Variants in DEUP1 observed in about 807,000 individuals in gnomAD.
DEUP1 encodes deuterosome assembly protein 1, also known as coiled-coil domain containing 67.
A neutral mutation model predicts 87.4 loss-of-function variants in DEUP1; 82 were observed. The observed-to-expected ratio is 0.94, with a 90% CI of 0.78 to 1.13. The LOEUF is 1.13. DEUP1 is among the 50% of genes most tolerant of loss of function. DEUP1 has a pLI of 0.00. For missense variants in DEUP1, 663 were observed against 681.5 expected (o/e 0.97, Z 0.30); for synonymous variants, 214 against 222.7 (o/e 0.96, Z 0.35).
In DEUP1 at chr11:93,415,013, T is replaced by G. The variant is rs61747195; in HGVS notation, c.1537T>G (p.Cys513Gly). ...EQNEERLSHD[C>G]EPNRSTMPPL... is the part of the protein sequence containing the mutation. ...CTTCTCTTTTAGACTTAGTCATGAC[T>G]GTGAGCCAAACAGAAGTACAATGCC... The change falls in exon 13 of 14, where the codon TGT becomes GGT. Residue 513 changes from cysteine to glycine, a missense_variant. Transcript: ENST00000298050. 4 of 1,577,832 alleles carry G rather than the reference T, an allele frequency of 2.5e-6. No homozygotes were observed. The highest frequency in any genetic ancestry group is 1.7e-4 in the Middle Eastern group (1 of 5,854).
intron 2 of DEUP1, among the ~76,000 whole-genome samples, chr11:93,351,695 T>G (rs557316066): frequency 6.6e-6 from 1 of 152,294 alleles, no homozygotes; most frequent in Non-Finnish European, 1.5e-5. Flanking sequence ...ATTTTAGGTT[T>G]TAAGTAAAAA....
chr11:93,334,464 C>T (rs561058620), intron 2 of DEUP1, among the ~76,000 whole-genome samples: 5 of 152,100 alleles, frequency 3.3e-5, no homozygotes, highest in East Asian at 3.9e-4. Context: ...AGATAATAAA[C>T]GTATAAATTT....
chr11:93,337,575 A>G (rs1943836659), intron 2 of DEUP1, among the ~76,000 whole-genome samples: 1 of 152,210 alleles, frequency 6.6e-6, no homozygotes, highest in Admixed American at 6.5e-5. Context: ...CAAACTGGAC[A>G]AGTTCTTCCA....
chr11:93,435,888 C>T (rs945702550), intron 13 of DEUP1, among the ~76,000 whole-genome samples: 62 of 151,438 alleles, frequency 4.1e-4, no homozygotes, highest in African/African-American at 1.4e-3. Flanking sequence ...CCCAGCTACT[C>T]GGGAGGCTGA....
chr11:93,394,444 C>G lies in DEUP1; in HGVS notation c.1042-15C>G, dbSNP rs1357690139. On this transcript the variant is annotated splice_polypyrimidine_tract_variant and intron_variant, in intron 9 of 13. Transcript: ENST00000298050. ...AAAAGGATTCAATAATATTTCCAGT[C>G]TCTATCTGCTGCAGATAAGAAGCCA... 1.3e-6 allele frequency: 2 copies of G among 1,519,026 alleles called. No homozygotes were observed. Among genetic ancestry groups the G allele is most frequent in the South Asian group, 1.3e-5 (1 of 77,288 alleles). 94.1% of individuals were successfully genotyped at this position (1,519,026 alleles called of 1,614,324 possible).
chr11:93,357,042 A>G lies in DEUP1; in HGVS notation c.296A>G (p.Gln99Arg). 1 of 1,523,950 alleles carries G rather than the reference A, an allele frequency of 6.6e-7. No individual in the cohort carries two copies. The highest frequency in any genetic ancestry group is 1.3e-5 in the South Asian group (1 of 79,412). 94.4% of individuals were successfully genotyped at this position (1,523,950 alleles called of 1,614,324 possible). A position where few individuals can be genotyped will look rare whatever the true frequency, so the allele number is the denominator to read the frequency against. The change falls in exon 4 of 14, where the codon CAA becomes CGA. Residue 99 changes from glutamine (Q) to arginine (R), a missense_variant and splice_region_variant. Transcript: ENST00000298050. ...GGACAACTACAAAGCCTAAAGGCTC[A>G]AGTAAGAAAACTTATTATAATTTAA... ...YEGQLQSLKA[Q>R]FSKLTNNFEK...
intron 9 of DEUP1, among the ~76,000 whole-genome samples, chr11:93,392,732 GA>G (rs950689445): frequency 4.7e-5 from 7 of 149,328 alleles, no homozygotes; most frequent in South Asian, 2.1e-4. Context: ...AAGGTGAAAT[GA>G]AAAAAAAAAT....
chr11:93,353,698 A>G (rs1175164060), intron 2 of DEUP1, among the ~76,000 whole-genome samples: 1 of 152,222 alleles, frequency 6.6e-6, no homozygotes, highest in East Asian at 1.9e-4. Flanking sequence ...ACAACATGTG[A>G]AAGCTGCCAA....
intron 7 of DEUP1, among the ~76,000 whole-genome samples, chr11:93,378,673 G>C (rs1387314223): frequency 6.6e-6 from 1 of 150,694 alleles, no homozygotes; most frequent in Non-Finnish European, 1.5e-5. Context: ...TACCAGAATT[G>C]TTTTTCTGGT....
At chr11:93,415,863 C>A (rs1187140923) in intron 13 of DEUP1, among the ~76,000 whole-genome samples, 1 of 151,890 alleles carries the variant, frequency 6.6e-6, no homozygotes, top group Admixed American at 6.6e-5. Flanking sequence ...ATACCACATT[C>A]AATGACAATA....
intron 2 of DEUP1, among the ~76,000 whole-genome samples, chr11:93,345,271 AGGTT>A (rs1350239165): frequency 1.3e-5 from 2 of 152,164 alleles, no homozygotes; most frequent in Non-Finnish European, 2.9e-5. Context: ...ATGGGCAATT[AGGTT>A]GATTCGTTGT....
chr11:93,340,026 T>A (rs1943980331), intron 2 of DEUP1, among the ~76,000 whole-genome samples: 1 of 152,156 alleles, frequency 6.6e-6, no homozygotes, highest in South Asian at 2.1e-4. Flanking sequence ...AAATTAGGGT[T>A]CCTATTTTTC....
At chr11:93,399,388 G>C in intron 11 of DEUP1, among the ~76,000 whole-genome samples, 1 of 151,692 alleles carries the variant, frequency 6.6e-6, no homozygotes, top group Middle Eastern at 3.3e-3. Flanking sequence ...TAAGTTTATA[G>C]ATTAACTTTG....
At chr11:93,353,072 C>T (rs555192460) in intron 2 of DEUP1, among the ~76,000 whole-genome samples, 1 of 152,276 alleles carries the variant, frequency 6.6e-6, no homozygotes. Context: ...TGAGACAAGG[C>T]AAGTCCCTTC....
intron 11 of DEUP1, among the ~76,000 whole-genome samples, chr11:93,406,052 G>A (rs1947267106): frequency 6.6e-6 from 1 of 151,874 alleles, no homozygotes; most frequent in Admixed American, 6.6e-5. Context: ...TTTTTATTGT[G>A]AGAATATATC....
intron 8 of DEUP1, 101 bp from the exon 9 acceptor site, chr11:93,388,919 A>T (rs1294846836): frequency 6.2e-6 from 4 of 645,486 alleles, no homozygotes; most frequent in Non-Finnish European, 1.0e-5. Context: ...CAAAGTAATG[A>T]TCTATCTCCG....
chr11:93,342,614 C>T (rs1944138122), intron 2 of DEUP1, among the ~76,000 whole-genome samples: 1 of 152,194 alleles, frequency 6.6e-6, no homozygotes, highest in Admixed American at 6.5e-5. Context: ...TGTTACATGT[C>T]CATGCCTAGT....
At chr11:93,355,055 T>C (rs911138423) in intron 2 of DEUP1, among the ~76,000 whole-genome samples, 1 of 152,242 alleles carries the variant, frequency 6.6e-6, no homozygotes, top group African/African-American at 2.4e-5. Flanking sequence ...ATGATAGACA[T>C]AGGTATATGT....
intron 2 of DEUP1, among the ~76,000 whole-genome samples, chr11:93,346,230 C>T (rs1284300121): frequency 6.6e-6 from 1 of 151,972 alleles, no homozygotes; most frequent in African/African-American, 2.4e-5. Context: ...GTTCTTGTAC[C>T]CATACCATGC....
Sources: allele counts gnomAD v4.1 joint callset (sites outside exome capture counted in the v4.1 genomes callset), GRCh38; gene constraint gnomAD v4.1.1; transcripts MANE v1.5; gene names NCBI Gene and HGNC (gene_info 2026-07-23, HGNC 2026-07-21).